ARHGAP35: variants seen among roughly 807,000 people sequenced by gnomAD.
ARHGAP35 encodes rho GTPase-activating protein 35.
In ARHGAP35, 15 loss-of-function variants were observed where a neutral mutation model predicts 111.1. The observed-to-expected ratio is 0.13, with a 90% CI of 0.09 to 0.21. ARHGAP35 has a LOEUF of 0.21. ARHGAP35 is among the 10% of genes least tolerant of loss of function. The pLI is 1.00. For synonymous variants in ARHGAP35, 643 were observed against 710.3 expected (o/e 0.91, Z 1.51); for missense variants, 1,262 against 1,873.0 (o/e 0.67, Z 6.02).
At chr19:46,952,739 T>C (rs1478918129) in intron 3 of ARHGAP35, among the ~76,000 whole-genome samples, 1 of 152,222 alleles carries the variant, frequency 6.6e-6, no homozygotes, top group Non-Finnish European at 1.5e-5. Context: ...AGTGGTGCGA[T>C]CTCAGCTCGC....
At position 46,918,587 on chromosome 19, in the gene ARHGAP35, C is replaced by T. The variant is rs754772626; in HGVS notation, c.-89C>T. 7.4e-7 allele frequency: 1 copy of T among 1,347,472 alleles called. No individual in the cohort carries two copies. Among genetic ancestry groups the T allele is most frequent in the Non-Finnish European group, 1.0e-6 (1 of 968,096 alleles). The allele number at this position is 1,347,472 out of a possible 1,614,324, so 83.5% of individuals were successfully genotyped here. A position where few individuals can be genotyped will look rare whatever the true frequency, so the allele number is the denominator to read the frequency against. On this transcript the variant is annotated 5_prime_UTR_variant, in exon 2 of 7. Coordinates refer to ENST00000672722, the MANE Select transcript of ARHGAP35 (RefSeq NM_004491.5). The surrounding 1 kb of genome is among the most constrained non-coding windows in gnomAD (Gnocchi z 5.4). ...GCATTTTTGCTGCATGTCCAGCCCA[C>T]CCCCACTAATAATGTAGGAAGCTGT...
intron 2 of ARHGAP35, among the ~76,000 whole-genome samples, chr19:46,935,432 T>C (rs909313186): frequency 1.3e-5 from 2 of 152,244 alleles, no homozygotes; most frequent in Non-Finnish European, 2.9e-5. Context: ...CTGTTCTTTT[T>C]TTTTCTTGCT....
chr19:46,948,281 T>G (rs2056391870), intron 3 of ARHGAP35: 1 of 152,202 alleles, frequency 6.6e-6, no homozygotes, highest in Non-Finnish European at 1.5e-5. Context: ...ACAAGAACTG[T>G]AGACAAAAAC....
In ARHGAP35 at chr19:46,994,533, C is replaced by T. The variant is rs2056696527; in HGVS notation, c.4037-4771C>T. ...AGGCCCAGGTTGGAGCGGGATAGCC[C>T]AGTCAGCACCGTGCTCAGCAAGTAG... On this transcript the variant is annotated intron_variant, in intron 5 of 6. Coordinates refer to ENST00000672722, the MANE Select transcript of ARHGAP35 (RefSeq NM_004491.5). The surrounding 1 kb of genome is among the most constrained non-coding windows in gnomAD (Gnocchi z 5.4). Among the ~76,000 whole-genome samples, 1 of 152,150 alleles carries T rather than the reference C, an allele frequency of 6.6e-6. No homozygotes were observed. Among genetic ancestry groups the T allele is most frequent in the Non-Finnish European group, 1.5e-5 (1 of 68,022 alleles).
At position 46,994,905 on chromosome 19, in the gene ARHGAP35, GC is replaced by G. The variant is rs1398423592; in HGVS notation, c.4037-4398del. On this transcript the variant is annotated intron_variant, in intron 5 of 6. Coordinates refer to ENST00000672722, the MANE Select transcript of ARHGAP35 (RefSeq NM_004491.5). The surrounding 1 kb of genome is among the most constrained non-coding windows in gnomAD (Gnocchi z 5.4). ...TTGTCTGACAAGGCAAGAATGGGGC[GC>G]TGTCACCACACAACCTCACCCATCC... is the stretch of plus-strand genomic sequence containing the variant. 1.3e-5 allele frequency among the ~76,000 whole-genome samples: 2 copies of G among 152,168 alleles called. No homozygotes were observed. The highest frequency in any genetic ancestry group is 4.8e-5 in the African/African-American group (2 of 41,442).
Position 46,922,398 on chromosome 19 carries a change from C to A in ARHGAP35, c.3681+42C>A. On this transcript the variant is annotated intron_variant, in intron 2 of 6. Coordinates refer to ENST00000672722, the MANE Select transcript of ARHGAP35 (RefSeq NM_004491.5). This position sits in a 1 kb window ranked among gnomAD's most constrained non-coding sequence, Gnocchi z 4.0. ...GGATTAGTCATAGTGTTTTGTACAG[C>A]GTCTCGGTGAGGGTTGATTGATGAT... 1 of 1,463,064 alleles carries A rather than the reference C, an allele frequency of 6.8e-7. No individual in the cohort carries two copies. The allele number at this position is 1,463,064 out of a possible 1,614,324, so 90.6% of individuals were successfully genotyped here.
chr19:46,971,977 A>G (rs905809279), intron 3 of ARHGAP35, among the ~76,000 whole-genome samples: 1 of 152,158 alleles, frequency 6.6e-6, no homozygotes, highest in African/African-American at 2.4e-5. Context: ...AAAACCCACC[A>G]AGCTTGTAAA....
rs1353616314 is a variant in ARHGAP35, at chr19:46,937,319, A to G, written c.3737A>G (p.Tyr1246Cys). ...SITKATWESN[Y>C]FGVPLTTVVT... is the part of the protein sequence containing the mutation. Reference sequence around the variant, plus strand: ...ACAAAGGCAACCTGGGAGAGTAACTATTTTGGGGTGCCCTTAACAACTGTC... The same window carrying G: ...ACAAAGGCAACCTGGGAGAGTAACTGTTTTGGGGTGCCCTTAACAACTGTC... The change falls in exon 3 of 7, where the codon TAT (tyrosine) becomes TGT (cysteine). Residue 1246 changes from tyrosine (Y) to cysteine (C), a missense_variant. Tyr to Cys is a radical substitution (Grantham distance 194, BLOSUM62 -2). Around this residue, in one of 8 missense-constraint regions of ARHGAP35, gnomAD observed 579 missense variants for 716.9 expected, o/e 0.81. Transcript: ENST00000672722. 1.2e-6 allele frequency: 2 copies of G among 1,613,940 alleles called. No individual in the cohort carries two copies. Among genetic ancestry groups the G allele is most frequent in the Non-Finnish European group, 1.7e-6 (2 of 1,179,860 alleles).
At chr19:46,905,948 T>TGAG (rs1268804922) in intron 1 of ARHGAP35, among the ~76,000 whole-genome samples, 1 of 151,518 alleles carries the variant, frequency 6.6e-6, no homozygotes, top group African/African-American at 2.4e-5. Context: ...CCTCCCAAAG[T>TGAG]GCTGGGATTA....
chr19:46,950,326 TC>T (rs2056404275), intron 3 of ARHGAP35, among the ~76,000 whole-genome samples: 1 of 152,242 alleles, frequency 6.6e-6, no homozygotes, highest in Non-Finnish European at 1.5e-5. Flanking sequence ...CTTCCACTCT[TC>T]CTGGACATTT....
chr19:46,954,282 C>T (rs1308268508), intron 3 of ARHGAP35, among the ~76,000 whole-genome samples: 1 of 152,186 alleles, frequency 6.6e-6, no homozygotes, highest in Non-Finnish European at 1.5e-5. Context: ...CCAACTCAGG[C>T]ATCAGAACAC....
At chr19:46,958,305 A>G (rs1375999413) in intron 3 of ARHGAP35, among the ~76,000 whole-genome samples, 1 of 150,138 alleles carries the variant, frequency 6.7e-6, no homozygotes, top group Non-Finnish European at 1.5e-5. Context: ...AATGGCGTCA[A>G]CCCAGGAGGC....
chr19:46,998,978 A>G, intron 5 of ARHGAP35: 1 of 281,404 alleles, frequency 3.6e-6, no homozygotes, highest in Non-Finnish European at 6.7e-6. Context: ...GCCTGTCTCC[A>G]GGGGCAACCG....
chr19:46,985,281 G>T (rs906919133), intron 3 of ARHGAP35, among the ~76,000 whole-genome samples: 1 of 152,182 alleles, frequency 6.6e-6, no homozygotes, highest in Non-Finnish European at 1.5e-5. Context: ...GACAGCACAG[G>T]GGGTACGGGT....
intron 1 of ARHGAP35, among the ~76,000 whole-genome samples, chr19:46,869,476 T>TTGTGTG (rs36048282): frequency 0.028 from 4,046 of 144,268 alleles, 121 homozygotes; most frequent in African/African-American, 0.077. Flanking sequence ...AGAAAAAAAA[T>TTGTGTG]TGTGTGTGTG....
chr19:46,917,540 G>A (rs1400693235), intron 1 of ARHGAP35, among the ~76,000 whole-genome samples: 1 of 152,066 alleles, frequency 6.6e-6, no homozygotes, highest in South Asian at 2.1e-4. Context: ...CCCAGGAGAC[G>A]GAAGTTGCAG....
rs1407500884 is a variant in ARHGAP35, at chr19:46,947,097, A to G, written c.3826+9689A>G. The stretch of plus-strand genomic sequence containing the variant: ...GAGAGGATCACGTGGTTGTAGGAAG[A>G]CAAACTTCCAGATAACTCTTTAATA... On this transcript the variant is annotated intron_variant, in intron 3 of 6. Coordinates refer to ENST00000672722, the MANE Select transcript of ARHGAP35 (RefSeq NM_004491.5). 2.0e-5 allele frequency: 3 copies of G among 152,226 alleles called. 1 individual carries two copies. Among genetic ancestry groups the G allele is most frequent in the Admixed American group, 2.0e-4 (3 of 15,284 alleles). 9.4% of individuals were successfully genotyped at this position (152,226 alleles called of 1,614,324 possible). A position where few individuals can be genotyped will look rare whatever the true frequency, so the allele number is the denominator to read the frequency against.
chr19:46,967,962 T>G (rs2056524885), intron 3 of ARHGAP35, among the ~76,000 whole-genome samples: 1 of 152,338 alleles, frequency 6.6e-6, no homozygotes, highest in Admixed American at 6.5e-5. Context: ...CGCCCTGTGC[T>G]TTCCCAGTGA....
chr19:46,927,117 T>C (rs2056243015), intron 2 of ARHGAP35, among the ~76,000 whole-genome samples: 1 of 152,228 alleles, frequency 6.6e-6, no homozygotes, highest in African/African-American at 2.4e-5. Flanking sequence ...CCTTGGATTT[T>C]CTGTTTCCTG....
Sources: gnomAD v4.1 joint callset for allele counts (sites outside exome capture counted in the v4.1 genomes callset) on GRCh38, gnomAD v4.1.1 for gene constraint, gnomAD v4.1.1 regional missense constraint, Gnocchi (gnomAD v3.1) non-coding constraint, MANE v1.5 for transcripts, NCBI Gene and HGNC (gene_info 2026-07-23, HGNC 2026-07-21) for gene names.